MTMR12: variants seen among roughly 807,000 people sequenced by gnomAD.
The protein encoded by MTMR12 is myotubularin-related protein 12.
MTMR12 carries 33 observed loss-of-function variants against 96.7 expected under a neutral mutation model. The observed-to-expected ratio is 0.34, with a 90% CI of 0.26 to 0.46. The LOEUF (loss-of-function observed/expected upper bound fraction) is 0.46, where lower values mean the gene tolerates loss of function less well. Among genes scored for constraint, MTMR12 ranks in the 20% least tolerant of loss-of-function variants. The probability of loss-of-function intolerance (pLI) is 1.00; values close to 1 mark genes in which losing one functional copy is unlikely to be tolerated. For synonymous variants in MTMR12, 298 were observed against 327.2 expected (o/e 0.91, Z 0.96); for missense variants, 721 against 896.1 (o/e 0.80, Z 2.49).
intron 1 of MTMR12, chr5:32,296,491 CGA>C: frequency 1.4e-5 from 5 of 361,004 alleles, no homozygotes; most frequent in Non-Finnish European, 2.3e-5. Flanking sequence ...AAAAAAGAAA[CGA>C]GAAAAAAAAA....
intron 1 of MTMR12, among the ~76,000 whole-genome samples, chr5:32,296,830 C>T (rs140582732): frequency 0.021 from 3,159 of 148,592 alleles, 78 homozygotes; most frequent in East Asian, 0.089. Flanking sequence ...TGGCCGGGCG[C>T]GGTGGCTCAC....
At chr5:32,254,226 A>G (rs1036020422) in intron 8 of MTMR12, among the ~76,000 whole-genome samples, 4 of 152,210 alleles carry the variant, frequency 2.6e-5, no homozygotes, top group African/African-American at 9.7e-5. Flanking sequence ...AGGTCTCAAG[A>G]TCCTTTCAGG....
At chr5:32,265,661 A>G (rs1410394707) in intron 6 of MTMR12, among the ~76,000 whole-genome samples, 1 of 152,240 alleles carries the variant, frequency 6.6e-6, no homozygotes, top group African/African-American at 2.4e-5. Context: ...GAATGAATTA[A>G]GGGATAAATT....
Position 32,238,981 on chromosome 5 carries a change from T to C in MTMR12, c.1344+20A>G. On this transcript the variant is annotated intron_variant, in intron 13 of 15. Coordinates refer to ENST00000382142, the MANE Select transcript of MTMR12 (RefSeq NM_001040446.3). ...GTAGTTCTCCCTATGACGGAAACAG[T>C]CTGCAGTGAGGGAACTCACCTCCTC... The C allele has an allele frequency of 1.9e-6, 3 of 1,564,974 alleles. No individual in the cohort carries two copies. The highest frequency in any genetic ancestry group is 2.6e-6 in the Non-Finnish European group (3 of 1,149,736).
chr5:32,246,170 G>GTTTTTTTTTTTTTTTT (rs113738556), intron 10 of MTMR12, among the ~76,000 whole-genome samples: 3 of 82,768 alleles, frequency 3.6e-5, no homozygotes, highest in Admixed American at 1.2e-4. Flanking sequence ...TGAGTAGACA[G>GTTTTTTTTTTTTTTTT]TTTTTTTTTT....
At chr5:32,244,292 G>GAAAAA (rs61038640) in intron 10 of MTMR12, among the ~76,000 whole-genome samples, 1 of 101,910 alleles carries the variant, frequency 9.8e-6, no homozygotes. Context: ...AAAATGAAAA[G>GAAAAA]AAAAAAAAAA....
At chr5:32,283,503 A>G (rs1750391250) in intron 1 of MTMR12, among the ~76,000 whole-genome samples, 1 of 152,238 alleles carries the variant, frequency 6.6e-6, no homozygotes, top group Admixed American at 6.5e-5. Context: ...TTACAGATGA[A>G]GACACCCTGC....
At chr5:32,250,575 T>C (rs754091613) in intron 8 of MTMR12, among the ~76,000 whole-genome samples, 1 of 152,208 alleles carries the variant, frequency 6.6e-6, no homozygotes, top group Non-Finnish European at 1.5e-5. Context: ...GCCCAGGCAA[T>C]TGTGCCCCCC....
intron 1 of MTMR12, among the ~76,000 whole-genome samples, chr5:32,283,487 T>C (rs1035291471): frequency 2.0e-5 from 3 of 152,204 alleles, no homozygotes; most frequent in African/African-American, 4.8e-5. Flanking sequence ...CATGATTGTC[T>C]CCATTTTACA....
At chr5:32,271,396 G>C (rs898204211) in intron 4 of MTMR12, among the ~76,000 whole-genome samples, 3 of 152,238 alleles carry the variant, frequency 2.0e-5, no homozygotes, top group African/African-American at 7.2e-5. Flanking sequence ...AATGATCACT[G>C]AATGATTTCT....
chr5:32,286,408 T>G (rs1445893504), intron 1 of MTMR12, among the ~76,000 whole-genome samples: 1 of 152,026 alleles, frequency 6.6e-6, no homozygotes, highest in Non-Finnish European at 1.5e-5. Context: ...CATGCACTTA[T>G]CCCAGCTACT....
chr5:32,287,938 G>A (rs1750604213), intron 1 of MTMR12, among the ~76,000 whole-genome samples: 1 of 152,144 alleles, frequency 6.6e-6, no homozygotes, highest in Non-Finnish European at 1.5e-5. Context: ...GAATGAAAAT[G>A]ACGAACTCAG....
chr5:32,270,245 A>G (rs935217665), intron 5 of MTMR12, among the ~76,000 whole-genome samples: 5 of 152,198 alleles, frequency 3.3e-5, no homozygotes, highest in Non-Finnish European at 7.3e-5. Flanking sequence ...TACAACAAAC[A>G]TCAAATTGAT....
intron 1 of MTMR12, among the ~76,000 whole-genome samples, chr5:32,279,321 G>A (rs1226400119): frequency 1.3e-5 from 2 of 151,932 alleles, no homozygotes; most frequent in African/African-American, 4.8e-5. Context: ...CTGGGAGGCT[G>A]AGGTGAAAAG....
rs1747872113 is a variant in MTMR12 at position 32,228,733 on chromosome 5, G to GA, written c.*1044dup. On this transcript the variant is annotated 3_prime_UTR_variant, in exon 16 of 16. Transcript: ENST00000382142. ...TTTTAAAATCACTGAGGTATCATAT[G>GA]ATAATCATCACTTCTGATATTTATG... 2 of 150,954 alleles carry GA rather than the reference G, an allele frequency of 1.3e-5. No individual in the cohort carries two copies. The highest frequency in any genetic ancestry group is 4.2e-4 in the South Asian group (2 of 4,784). 9.4% of individuals were successfully genotyped at this position (150,954 alleles called of 1,614,324 possible).
chr5:32,252,349 T>C (rs998589493), intron 8 of MTMR12, among the ~76,000 whole-genome samples: 9 of 152,242 alleles, frequency 5.9e-5, no homozygotes, highest in African/African-American at 2.2e-4. Context: ...GGAAGTTTTA[T>C]GTTATGTGTA....
chr5:32,255,385 G>A (rs775930407), intron 8 of MTMR12, among the ~76,000 whole-genome samples: 5 of 152,188 alleles, frequency 3.3e-5, no homozygotes, highest in African/African-American at 1.2e-4. Flanking sequence ...TACCCTTGGC[G>A]TGCTTTGGCT....
intron 1 of MTMR12, among the ~76,000 whole-genome samples, chr5:32,289,677 A>AGTGGGCCCC (rs1217026809): frequency 6.6e-6 from 1 of 152,192 alleles, no homozygotes; most frequent in Admixed American, 6.5e-5. Flanking sequence ...CAGTGGGTCC[A>AGTGGGCCCC]GTGGGCCCCC....
At chr5:32,243,435 A>T in intron 11 of MTMR12, 86 bp downstream of exon 11, 1 of 916,932 alleles carries the variant, frequency 1.1e-6, no homozygotes, top group Non-Finnish European at 1.7e-6. Flanking sequence ...GTCAAATATC[A>T]AACAGTTAAA....
Sources: allele counts gnomAD v4.1 joint callset (sites outside exome capture counted in the v4.1 genomes callset), GRCh38; gene constraint gnomAD v4.1.1; transcripts MANE v1.5; gene names NCBI Gene and HGNC (gene_info 2026-07-23, HGNC 2026-07-21).